Variants in ANKMY2 observed in about 807,000 individuals in gnomAD.
ANKMY2 encodes ankyrin repeat and MYND domain containing 2, also known as ankyrin repeat and MYND domain-containing protein 2.
A neutral mutation model predicts 50.4 loss-of-function variants in ANKMY2; 36 were observed. The observed-to-expected ratio is 0.71, with a 90% CI of 0.55 to 0.94. The LOEUF (loss-of-function observed/expected upper bound fraction) is 0.94. Among genes scored for constraint, ANKMY2 ranks in the 40% least tolerant of loss-of-function variants. The probability of loss-of-function intolerance (pLI) is 0.00; values close to 1 mark genes in which losing one functional copy is unlikely to be tolerated. For missense variants in ANKMY2, 565 were observed against 524.0 expected, an observed-to-expected ratio of 1.08 and a Z score of -0.76; for synonymous variants, 187 against 178.8, an observed-to-expected ratio of 1.05 and a Z score of -0.36.
chr7:16,610,077 C>T (rs182510951), intron 6 of ANKMY2, among the ~76,000 whole-genome samples: 1 of 152,140 alleles, frequency 6.6e-6, no homozygotes, highest in East Asian at 1.9e-4. Flanking sequence ...TCTCATAGAG[C>T]CACACCCTTC....
chr7:16,629,624 A>G (rs998995456), intron 2 of ANKMY2, among the ~76,000 whole-genome samples: 4 of 152,180 alleles, frequency 2.6e-5, no homozygotes, highest in African/African-American at 9.6e-5. Flanking sequence ...ATAATACAGT[A>G]TATGATTTTC....
At chr7:16,605,664 AT>A (rs2128341894) in intron 7 of ANKMY2, among the ~76,000 whole-genome samples, 1 of 126,082 alleles carries the variant, frequency 7.9e-6, no homozygotes, top group African/African-American at 3.0e-5. Flanking sequence ...CGCCCAGCTA[AT>A]TTTTTGTACT....
At chr7:16,643,766 C>T (rs1481046532) in intron 1 of ANKMY2, among the ~76,000 whole-genome samples, 1 of 151,654 alleles carries the variant, frequency 6.6e-6, no homozygotes, top group Non-Finnish European at 1.5e-5. Flanking sequence ...TGCCTGTAAT[C>T]CCAGCACTTA....
chr7:16,602,323 A>G (rs924278172), intron 9 of ANKMY2, 57 bp downstream of exon 9: 11 of 1,579,224 alleles, frequency 7.0e-6, no homozygotes, highest in Admixed American at 1.8e-5. Flanking sequence ...TGTTAAGATC[A>G]CCTATCATCT....
At chr7:16,608,896 G>A (rs1299884790) in intron 7 of ANKMY2, among the ~76,000 whole-genome samples, 1 of 152,148 alleles carries the variant, frequency 6.6e-6, no homozygotes, top group African/African-American at 2.4e-5. Flanking sequence ...AGCCACTCAG[G>A]AGGCTGAAGC....
chr7:16,607,681 TTTTTTTTTTTA>T (rs1244558427), intron 7 of ANKMY2, among the ~76,000 whole-genome samples: 1 of 56,460 alleles, frequency 1.8e-5, no homozygotes, highest in Admixed American at 2.4e-4. Context: ...TTTTTTTTTT[TTTTTTTTTTTA>T]AAGAACTCTG....
intron 9 of ANKMY2, 150 bp downstream of exon 9, chr7:16,602,230 G>T: frequency 9.7e-6 from 9 of 925,558 alleles, no homozygotes; most frequent in East Asian, 5.2e-5. Flanking sequence ...ACTTAAAAAC[G>T]GGACACATTA....
In ANKMY2 at chr7:16,645,748, C is replaced by A; in HGVS notation, c.-175G>T. The A allele has an allele frequency of 8.0e-6, 5 of 628,778 alleles. No homozygotes were observed. The highest frequency in any genetic ancestry group is 7.3e-5 in the South Asian group (3 of 41,024). The allele number at this position is 628,778 out of a possible 1,614,324, so 38.9% of individuals were successfully genotyped here. ...CTCCCGCGGGCTGGCGGACAGCGGGCGAGCTCGGGCGAGCCAGGCGGACGG... is the reference window on the plus strand; with the variant it reads ...CTCCCGCGGGCTGGCGGACAGCGGGAGAGCTCGGGCGAGCCAGGCGGACGG... On this transcript the variant is annotated 5_prime_UTR_variant, in exon 1 of 10. Coordinates refer to ENST00000306999, the MANE Select transcript of ANKMY2 (RefSeq NM_020319.3).
At position 16,600,907 on chromosome 7, in the gene ANKMY2, C is replaced by G. The variant is rs551624387; in HGVS notation, c.1180G>C (p.Glu394Gln). Residue 394 changes from glutamate to glutamine, a missense_variant, in exon 10 of 10, where the codon GAG (glutamate) becomes CAG (glutamine). Transcript: ENST00000306999. ...LDVNSNCVNEEQPEAEVGISQ... is the reference protein window; with the variant it reads ...LDVNSNCVNEQQPEAEVGISQ... ...ATACCTACTTCAGCCTCTGGTTGCT[C>G]TTCATTAACACAGTTAGAATTGACA... 114 of 1,610,722 alleles carry G rather than the reference C, an allele frequency of 7.1e-5. No individual in the cohort carries two copies. The South Asian group carries it at 1.2e-3, about 17-fold the overall frequency.
intron 7 of ANKMY2, among the ~76,000 whole-genome samples, chr7:16,606,951 C>T (rs2128342076): frequency 6.6e-6 from 1 of 152,268 alleles, no homozygotes; most frequent in South Asian, 2.1e-4. Flanking sequence ...AGCAGGAGGG[C>T]CCAGGCATTA....
Position 16,629,953 on chromosome 7 carries a change from A to G in ANKMY2, c.133-2775T>C, listed in dbSNP as rs561735394. 2.0e-5 allele frequency among the ~76,000 whole-genome samples: 3 copies of G among 152,250 alleles called. No homozygotes were observed. The East Asian group carries it at 5.8e-4, about 29-fold the overall frequency. On this transcript the variant is annotated intron_variant, in intron 2 of 9. Coordinates refer to ENST00000306999, the MANE Select transcript of ANKMY2 (RefSeq NM_020319.3). The stretch of plus-strand genomic sequence containing the variant: ...AAACCCACCATGCTATAAATTTTCT[A>G]TTTATTCTAGTGTTTTTATAGTATT...
In ANKMY2 at chr7:16,600,339, A is replaced by AT. The variant is rs1781021994; in HGVS notation, c.*421dup. The AT allele has an allele frequency of 6.5e-6, 1 of 153,416 alleles. No homozygotes were observed. The highest frequency in any genetic ancestry group is 1.5e-5 in the Non-Finnish European group (1 of 68,686). 9.5% of individuals were successfully genotyped at this position (153,416 alleles called of 1,614,324 possible). Reference sequence around the variant, plus strand: ...CTGCTTATATGTATTTTATTCACATATAAGTTATGATTTTTCTAACTACCC... The same window carrying AT: ...CTGCTTATATGTATTTTATTCACATATTAAGTTATGATTTTTCTAACTACCC... On this transcript the variant is annotated 3_prime_UTR_variant, in exon 10 of 10. Coordinates refer to ENST00000306999, the MANE Select transcript of ANKMY2 (RefSeq NM_020319.3).
intron 4 of ANKMY2, among the ~76,000 whole-genome samples, chr7:16,616,626 ACTCTGGGC>A (rs1781356636): frequency 6.6e-6 from 1 of 151,942 alleles, no homozygotes; most frequent in African/African-American, 2.4e-5. Context: ...AGCAGTGGCC[ACTCTGGGC>A]AAGCAGGCAG....
intron 4 of ANKMY2, among the ~76,000 whole-genome samples, chr7:16,621,404 T>C (rs1781433291): frequency 6.6e-6 from 1 of 152,236 alleles, no homozygotes; most frequent in Non-Finnish European, 1.5e-5. Flanking sequence ...AATAATTATA[T>C]AATCATTTAG....
At chr7:16,633,853 T>A (rs1398242421) in intron 2 of ANKMY2, among the ~76,000 whole-genome samples, 1 of 152,076 alleles carries the variant, frequency 6.6e-6, no homozygotes, top group Non-Finnish European at 1.5e-5. Flanking sequence ...CTTACAGATT[T>A]CTCCTTTGAG....
intron 4 of ANKMY2, among the ~76,000 whole-genome samples, chr7:16,617,185 A>G (rs1781367754): frequency 6.6e-6 from 1 of 152,072 alleles, no homozygotes; most frequent in Non-Finnish European, 1.5e-5. Flanking sequence ...CTTCATACAC[A>G]TTTCTAAATT....
At chr7:16,619,278 C>G (rs940688276) in intron 4 of ANKMY2, among the ~76,000 whole-genome samples, 2 of 151,940 alleles carry the variant, frequency 1.3e-5, no homozygotes, top group Non-Finnish European at 2.9e-5. Flanking sequence ...CTCAGCCTCC[C>G]GAGTAGCTGG....
At chr7:16,613,672 T>C (rs745764987) in intron 5 of ANKMY2, among the ~76,000 whole-genome samples, 22 of 152,166 alleles carry the variant, frequency 1.4e-4, no homozygotes, top group Non-Finnish European at 2.8e-4. Flanking sequence ...AGGTAGAGTA[T>C]TAATAATTAT....
intron 4 of ANKMY2, 91 bp from the exon 5 acceptor site, chr7:16,615,995 G>A: frequency 1.6e-6 from 2 of 1,230,608 alleles, no homozygotes; most frequent in Non-Finnish European, 2.2e-6. Flanking sequence ...TTTTTGTGAT[G>A]TAAACATGCA....
Sources: gnomAD v4.1 joint callset for allele counts (sites outside exome capture counted in the v4.1 genomes callset) on GRCh38, gnomAD v4.1.1 for gene constraint, MANE v1.5 for transcripts, NCBI Gene and HGNC (gene_info 2026-07-23, HGNC 2026-07-21) for gene names.